The following ZNF708 variants were observed in gnomAD, a reference collection of about 807,000 sequenced individuals.
ZNF708 encodes the protein zinc finger protein 708, also known as ZNF15, ZNF15L1.
A neutral mutation model predicts 47.0 loss-of-function variants in ZNF708; 44 were observed. The ratio of observed to expected loss-of-function variants is 0.94; its 90% CI spans 0.74 to 1.20. The LOEUF (loss-of-function observed/expected upper bound fraction) is 1.20, where lower values mean the gene tolerates loss of function less well. Among genes scored for constraint, ZNF708 ranks in the 50% most tolerant of loss-of-function variants. ZNF708 has a pLI of 0.00. For missense variants in ZNF708, 557 were observed against 656.0 expected, an observed-to-expected ratio of 0.85 and a Z score of 1.65; for synonymous variants, 184 against 218.5, an observed-to-expected ratio of 0.84 and a Z score of 1.39.
At chr19:21,328,891 A>C (rs890283407) in intron 1 of ZNF708, among the ~76,000 whole-genome samples, 2 of 152,224 alleles carry the variant, frequency 1.3e-5, no homozygotes, top group African/African-American at 4.8e-5. Flanking sequence ...ACCCCAAGTC[A>C]GGATTCTCCC....
intron 1 of ZNF708, among the ~76,000 whole-genome samples, chr19:21,312,888 T>G (rs1972929162): frequency 6.6e-6 from 1 of 152,256 alleles, no homozygotes. Flanking sequence ...TTGCTGGCTC[T>G]TCAAAGTTTA....
chr19:21,305,813 CAA>C (rs992468970), intron 3 of ZNF708, among the ~76,000 whole-genome samples: 3 of 152,020 alleles, frequency 2.0e-5, no homozygotes, highest in African/African-American at 7.2e-5. Flanking sequence ...TGAAAAAGAA[CAA>C]AGAGGCATTA....
chr19:21,293,949 T>G lies in ZNF708; in HGVS notation c.1017A>C (p.Glu339Asp), dbSNP rs1185415054. Residue 339 changes from glutamate (E) to aspartate (D), a missense_variant, in exon 4 of 4, where the codon GAA becomes GAC. Glu to Asp is a conservative substitution (Grantham distance 45). Coordinates refer to ENST00000356929, the MANE Select transcript of ZNF708 (RefSeq NM_021269.3). ...IHTGEKPYKC[E>D]ECGKAFSVFS... ...ATACACTAAAAGCTTTGCCACATTC[T>G]TCACATTTGTAGGGTTTCTCACCAG... 25 of 1,613,462 alleles carry G rather than the reference T, an allele frequency of 1.5e-5. No individual in the cohort carries two copies. Among genetic ancestry groups the G allele is most frequent in the Non-Finnish European group, 2.1e-5 (25 of 1,179,880 alleles).
At chr19:21,297,986 T>TGTGC (rs944242879) in intron 3 of ZNF708, among the ~76,000 whole-genome samples, 4 of 151,938 alleles carry the variant, frequency 2.6e-5, no homozygotes, top group Admixed American at 1.3e-4. Flanking sequence ...TGTGTGTGTG[T>TGTGC]GTGTGTATGT....
intron 3 of ZNF708, chr19:21,307,017 T>TAA (rs1373917956): frequency 2.6e-4 from 30 of 114,700 alleles, no homozygotes; most frequent in Middle Eastern, 4.7e-3. Flanking sequence ...ACATAAAACA[T>TAA]AACATAACAT....
intron 3 of ZNF708, among the ~76,000 whole-genome samples, chr19:21,302,104 G>C (rs1030308182): frequency 2.0e-5 from 3 of 151,940 alleles, no homozygotes; most frequent in African/African-American, 7.3e-5. Flanking sequence ...TATAAACAAA[G>C]AGAAATATTA....
At chr19:21,313,560 C>A (rs904878502) in intron 1 of ZNF708, among the ~76,000 whole-genome samples, 1 of 151,818 alleles carries the variant, frequency 6.6e-6, no homozygotes, top group Non-Finnish European at 1.5e-5. Context: ...GAGTTTGAGA[C>A]CAGCCTAGCC....
At chr19:21,329,090 G>A in intron 1 of ZNF708, 120 bp downstream of exon 1, 1 of 1,453,924 alleles carries the variant, frequency 6.9e-7, no homozygotes, top group African/African-American at 1.4e-5. Flanking sequence ...GCTAGGCAAG[G>A]AGAACTCGGA....
chr19:21,326,616 C>T (rs540626529), intron 1 of ZNF708, among the ~76,000 whole-genome samples: 29 of 152,132 alleles, frequency 1.9e-4, no homozygotes, highest in Non-Finnish European at 3.4e-4. Flanking sequence ...GTATAATGCT[C>T]TGGTGATGGG....
At position 21,293,587 on chromosome 19, in the gene ZNF708, G is replaced by T. The variant is rs181746266; in HGVS notation, c.1379C>A (p.Ser460Tyr). ...TTTTTTATGATTAGTAAAATTTGAG[G>T]AGTAGTTAAAAGTTTTGCCACATTC... ...CEECGKTFNY[S>Y]SNFTNHKKIH... The change falls in exon 4 of 4, where the codon TCC becomes TAC. Residue 460 changes from serine to tyrosine, a missense_variant. Transcript: ENST00000356929. The T allele has an allele frequency of 2.2e-5, 36 of 1,612,598 alleles. No homozygotes were observed. Among genetic ancestry groups the T allele is most frequent in the Non-Finnish European group, 2.7e-5 (32 of 1,179,690 alleles).
chr19:21,311,672 A>G (rs183249618), intron 1 of ZNF708, among the ~76,000 whole-genome samples: 1 of 152,270 alleles, frequency 6.6e-6, no homozygotes, highest in African/African-American at 2.4e-5. Context: ...CACATCCACA[A>G]GCAAAAAGAT....
chr19:21,299,558 C>T (rs1281459993), intron 3 of ZNF708, among the ~76,000 whole-genome samples: 1 of 151,890 alleles, frequency 6.6e-6, no homozygotes, highest in Non-Finnish European at 1.5e-5. Flanking sequence ...CAAGACCAGC[C>T]TGGCCAACAT....
rs1471879456 is a variant in ZNF708, at chr19:21,294,236, T to A, written c.730A>T (p.Ile244Leu). The A allele has an allele frequency of 2.5e-6, 4 of 1,612,608 alleles. No individual in the cohort carries two copies. The highest frequency in any genetic ancestry group is 2.2e-5 in the South Asian group (2 of 91,062). The part of the protein sequence containing the change: ...NQSSTLTRHK[I>L]IHTGEKLYKC... ...TAGAGTTTCTCTCCAGTATGAATTA[T>A]CTTATGTCTAGTAAGAGTTGAGGAC... The change falls in exon 4 of 4, where the codon ATA becomes TTA. Residue 244 changes from isoleucine to leucine, a missense_variant. Ile to Leu is a conservative substitution (Grantham distance 5). Coordinates refer to ENST00000356929, the MANE Select transcript of ZNF708 (RefSeq NM_021269.3).
At chr19:21,319,607 C>T (rs1274358569) in intron 1 of ZNF708, among the ~76,000 whole-genome samples, 5 of 151,970 alleles carry the variant, frequency 3.3e-5, no homozygotes, top group Admixed American at 6.6e-5. Flanking sequence ...TGAGCCACCA[C>T]GCCCAGCTAA....
At chr19:21,310,242 C>T (rs1376050189) in intron 2 of ZNF708, among the ~76,000 whole-genome samples, 3 of 151,666 alleles carry the variant, frequency 2.0e-5, no homozygotes, top group Non-Finnish European at 2.9e-5. Flanking sequence ...GTCAGGAGTT[C>T]GAGATCAGCC....
chr19:21,322,953 A>G (rs1361416433), intron 1 of ZNF708, among the ~76,000 whole-genome samples: 1 of 151,972 alleles, frequency 6.6e-6, no homozygotes, highest in East Asian at 1.9e-4. Flanking sequence ...AAAATTGAGG[A>G]CTCCCATAAC....
chr19:21,323,232 C>A (rs955179441), intron 1 of ZNF708, among the ~76,000 whole-genome samples: 6 of 152,144 alleles, frequency 3.9e-5, no homozygotes, highest in Non-Finnish European at 8.8e-5. Flanking sequence ...GCTCTCTTTT[C>A]TTATCTATCA....
chr19:21,294,493 T>C lies in ZNF708; in HGVS notation c.473A>G (p.His158Arg), dbSNP rs569313919. Residue 158 changes from histidine (H) to arginine (R), a missense_variant, in exon 4 of 4, where the codon CAT becomes CGT. His to Arg is a conservative substitution (Grantham distance 29). Transcript: ENST00000356929. ...VFHKYSNAKR[H>R]KIRHTGKNPF... ...ATTTTTTCCAGTATGTCTTATCTTATGTCTCTTTGCATTTGAATATTTATG... is the reference window on the plus strand; with the variant it reads ...ATTTTTTCCAGTATGTCTTATCTTACGTCTCTTTGCATTTGAATATTTATG... 284 of 1,614,182 alleles carry C rather than the reference T, an allele frequency of 1.8e-4. 3 individuals carry two copies. The South Asian group carries it at 2.9e-3, about 17-fold the overall frequency.
rs779651113 is a variant in ZNF708 at position 21,292,838 on chromosome 19, AT to A, written c.*435del. On this transcript the variant is annotated 3_prime_UTR_variant, in exon 4 of 4. Coordinates refer to ENST00000356929, the MANE Select transcript of ZNF708 (RefSeq NM_021269.3). ...TCCTGGCAATAAGGTGTGAGTATTCATTAAAAATTTTGCCACATTCTTCACA... is the reference window on the plus strand; with the variant it reads ...TCCTGGCAATAAGGTGTGAGTATTCATAAAAATTTTGCCACATTCTTCACA... 1 of 182,886 alleles carries A rather than the reference AT, an allele frequency of 5.5e-6. No homozygotes were observed. The highest frequency in any genetic ancestry group is 5.4e-5 in the Admixed American group (1 of 18,434). The allele number at this position is 182,886 out of a possible 1,614,324, so 11.3% of individuals were successfully genotyped here. A position where few individuals can be genotyped will look rare whatever the true frequency, so the allele number is the denominator to read the frequency against.
Sources: gnomAD v4.1 joint callset for allele counts (sites outside exome capture counted in the v4.1 genomes callset) on GRCh38, gnomAD v4.1.1 for gene constraint, MANE v1.5 for transcripts, NCBI Gene and HGNC (gene_info 2026-07-23, HGNC 2026-07-21) for gene names.